The following TMEM132D variants were observed in gnomAD, a reference collection of about 807,000 sequenced individuals.
TMEM132D encodes the protein mature OL transmembrane protein.
A neutral mutation model predicts 62.3 loss-of-function variants in TMEM132D; 21 were observed. The observed-to-expected ratio is 0.34, with a 90% CI of 0.24 to 0.49. The LOEUF (loss-of-function observed/expected upper bound fraction) is 0.49, where lower values mean the gene tolerates loss of function less well. Ranked by LOEUF, TMEM132D falls within the 20% of genes least tolerant of loss-of-function variation. The pLI is 0.99. For missense variants in TMEM132D, 1,346 were observed against 1,402.8 expected, an observed-to-expected ratio of 0.96 and a Z score of 0.65; for synonymous variants, 621 against 575.6, an observed-to-expected ratio of 1.08 and a Z score of -1.13.
chr12:129,749,337 C>T (rs1301374873), intron 1 of TMEM132D, among the ~76,000 whole-genome samples: 3 of 152,170 alleles, frequency 2.0e-5, no homozygotes, highest in African/African-American at 7.2e-5. Context: ...CACACACACA[C>T]GTGCACAGAG....
At chr12:129,090,952 C>A (rs1044705908) in intron 5 of TMEM132D, among the ~76,000 whole-genome samples, 3 of 152,070 alleles carry the variant, frequency 2.0e-5, no homozygotes, top group Admixed American at 1.3e-4. Context: ...ATGTTTCTCT[C>A]GGGTCATGTC....
At chr12:129,565,933 G>A (rs1276461763) in intron 2 of TMEM132D, among the ~76,000 whole-genome samples, 1 of 152,194 alleles carries the variant, frequency 6.6e-6, no homozygotes, top group Non-Finnish European at 1.5e-5. Context: ...TGAAGATGCA[G>A]TAAACATTAT....
At chr12:129,820,454 TCC>T (rs143846238) in intron 1 of TMEM132D, among the ~76,000 whole-genome samples, 2,048 of 152,254 alleles carry the variant, frequency 0.013, 28 homozygotes, top group South Asian at 0.051. Context: ...AGCGTGCGCA[TCC>T]CCTCTGGAGC....
At chr12:129,152,144 A>G (rs555286135) in intron 5 of TMEM132D, among the ~76,000 whole-genome samples, 2 of 152,274 alleles carry the variant, frequency 1.3e-5, no homozygotes, top group East Asian at 3.9e-4. Context: ...GGCCTCCCAA[A>G]GTGCTGGGAT....
At chr12:129,486,771 CCCTT>C (rs1439064778) in intron 3 of TMEM132D, among the ~76,000 whole-genome samples, 3 of 152,140 alleles carry the variant, frequency 2.0e-5, no homozygotes, top group African/African-American at 7.2e-5. Flanking sequence ...TTCCCTCCCT[CCCTT>C]CCTCCTTTCC....
chr12:129,713,010 G>A (rs1868433157), intron 1 of TMEM132D, among the ~76,000 whole-genome samples: 1 of 152,106 alleles, frequency 6.6e-6, no homozygotes, highest in Non-Finnish European at 1.5e-5. Flanking sequence ...CTGTTACTTA[G>A]CAGCCTCGTC....
chr12:129,423,003 A>C (rs1045395510), intron 3 of TMEM132D, among the ~76,000 whole-genome samples: 2 of 152,006 alleles, frequency 1.3e-5, no homozygotes, highest in African/African-American at 4.8e-5. Flanking sequence ...GTCTACAACC[A>C]GTGACAACTG....
chr12:129,884,716 A>T (rs1874697747), intron 1 of TMEM132D, among the ~76,000 whole-genome samples: 1 of 152,258 alleles, frequency 6.6e-6, no homozygotes, highest in Admixed American at 6.5e-5. Context: ...GCAGTTTCTT[A>T]TCATGTTAAA....
intron 5 of TMEM132D, among the ~76,000 whole-genome samples, chr12:129,142,404 T>A (rs962979239): frequency 5.3e-5 from 8 of 152,220 alleles, no homozygotes; most frequent in Admixed American, 5.2e-4. Context: ...TTAGATCTCA[T>A]TTATATGCAC....
intron 2 of TMEM132D, among the ~76,000 whole-genome samples, chr12:129,698,717 G>GGAGGGGA (rs1881291922): frequency 1.9e-5 from 1 of 53,898 alleles, no homozygotes; most frequent in African/African-American, 7.5e-5. Context: ...GGAGGAAAGG[G>GGAGGGGA]GAGGGGAGAG....
At chr12:129,504,689 C>T (rs1217402847) in intron 3 of TMEM132D, among the ~76,000 whole-genome samples, 1 of 152,014 alleles carries the variant, frequency 6.6e-6, no homozygotes, top group East Asian at 1.9e-4. Context: ...TTTCATTTAT[C>T]TTTTGTATTT....
At chr12:129,533,169 T>C (rs1876277634) in intron 2 of TMEM132D, among the ~76,000 whole-genome samples, 1 of 152,242 alleles carries the variant, frequency 6.6e-6, no homozygotes, top group South Asian at 2.1e-4. Flanking sequence ...ACATTATTTC[T>C]GTGGGGAAAA....
intron 4 of TMEM132D, among the ~76,000 whole-genome samples, chr12:129,280,770 C>G (rs1450292185): frequency 6.6e-6 from 1 of 152,102 alleles, no homozygotes; most frequent in Non-Finnish European, 1.5e-5. Flanking sequence ...TCCATTTTAT[C>G]TATTCATCCA....
chr12:129,091,361 A>G (rs1049561132), intron 5 of TMEM132D, among the ~76,000 whole-genome samples: 47 of 148,900 alleles, frequency 3.2e-4, no homozygotes, highest in African/African-American at 1.1e-3. Flanking sequence ...GGCTCTGGGG[A>G]CCCTTCCTAA....
chr12:129,774,273 G>T (rs1389461704), intron 1 of TMEM132D, among the ~76,000 whole-genome samples: 1 of 152,136 alleles, frequency 6.6e-6, no homozygotes, highest in Non-Finnish European at 1.5e-5. Context: ...CTGCCTCTCT[G>T]AGGACTTGGA....
chr12:129,413,945 A>T (rs1050440962), intron 3 of TMEM132D, among the ~76,000 whole-genome samples: 18 of 152,242 alleles, frequency 1.2e-4, no homozygotes, highest in Non-Finnish European at 2.1e-4. Context: ...ATTAAATGAA[A>T]TTAAAATATT....
At chr12:129,632,117 C>T (rs530921127) in intron 2 of TMEM132D, among the ~76,000 whole-genome samples, 1 of 152,098 alleles carries the variant, frequency 6.6e-6, no homozygotes, top group Non-Finnish European at 1.5e-5. Flanking sequence ...TCGGTGCTGA[C>T]TTATGAAAGA....
intron 4 of TMEM132D, among the ~76,000 whole-genome samples, chr12:129,257,633 C>A (rs989382686): frequency 2.0e-5 from 3 of 152,130 alleles, no homozygotes; most frequent in Non-Finnish European, 2.9e-5. Context: ...TCAGTCCTGG[C>A]CAGTCAGGGC....
chr12:129,130,871 T>C (rs976645638), intron 5 of TMEM132D, among the ~76,000 whole-genome samples: 1 of 152,204 alleles, frequency 6.6e-6, no homozygotes, highest in Non-Finnish European at 1.5e-5. Flanking sequence ...GATTATGTAG[T>C]AGCTTAGCCC....
Sources: gnomAD v4.1 joint callset for allele counts (sites outside exome capture counted in the v4.1 genomes callset) on GRCh38, gnomAD v4.1.1 for gene constraint, MANE v1.5 for transcripts, NCBI Gene and HGNC (gene_info 2026-07-23, HGNC 2026-07-21) for gene names.